Variants in SASH1 observed in about 807,000 individuals in gnomAD.
SASH1 encodes the protein SAM and SH3 domain containing 1.
Under a neutral mutation model 125.2 loss-of-function variants are expected in SASH1, and 44 were observed. The ratio of observed to expected loss-of-function variants is 0.35; its 90% CI spans 0.28 to 0.45. The LOEUF (loss-of-function observed/expected upper bound fraction) is 0.45, where lower values mean the gene tolerates loss of function less well. SASH1 is among the 20% of genes least tolerant of loss of function. The pLI is 1.00. For synonymous variants in SASH1, 639 were observed against 649.1 expected, an observed-to-expected ratio of 0.98 and a Z score of 0.24; for missense variants, 1,426 against 1,614.5, an observed-to-expected ratio of 0.88 and a Z score of 2.00.
intron 2 of SASH1, among the ~76,000 whole-genome samples, chr6:148,404,110 A>C (rs1784281625): frequency 6.6e-6 from 1 of 152,206 alleles, no homozygotes; most frequent in South Asian, 2.1e-4. Flanking sequence ...AGATATTTGC[A>C]TTCCTAGACT....
rs200151810 is a variant in SASH1, at chr6:148,302,653, G to GTA, written n.74+30285_74+30286dup. On this transcript the variant is annotated intron_variant and non_coding_transcript_variant, in intron 1 of 3. Coordinates refer to the SASH1 transcript ENST00000367469. ...TATATAGGGTACATTAGATGTGTGT[G>GTA]TATATATATACACACACACACACAC... 6.3e-3 allele frequency among the ~76,000 whole-genome samples: 392 copies of GTA among 61,852 alleles called. 2 individuals are homozygous for GTA. Among genetic ancestry groups the GTA allele is most frequent in the Non-Finnish European group, 9.7e-3 (298 of 30,702 alleles). 40.6% of individuals were successfully genotyped at this position (61,852 alleles called of 152,430 possible). A position where few individuals can be genotyped will look rare whatever the true frequency, so the allele number is the denominator to read the frequency against.
At chr6:148,429,336 T>C (rs1233867411) in intron 2 of SASH1, among the ~76,000 whole-genome samples, 2 of 132,248 alleles carry the variant, frequency 1.5e-5, no homozygotes, top group African/African-American at 2.9e-5. Flanking sequence ...CAGTGGACTA[T>C]GACTGCACTC....
intron 1 of SASH1, among the ~76,000 whole-genome samples, chr6:148,367,270 G>A (rs965037445): frequency 2.0e-5 from 3 of 152,128 alleles, no homozygotes; most frequent in Admixed American, 6.6e-5. Flanking sequence ...AAAAGTAATC[G>A]CGGTTTATAA....
intron 4 of SASH1, among the ~76,000 whole-genome samples, chr6:148,450,121 A>T (rs536873268): frequency 1.1e-4 from 17 of 152,150 alleles, no homozygotes; most frequent in Non-Finnish European, 2.5e-4. Flanking sequence ...GTTTATTTTT[A>T]ATCTTTATTG....
At chr6:148,358,404 A>G (rs1782039645) in intron 1 of SASH1, among the ~76,000 whole-genome samples, 1 of 152,148 alleles carries the variant, frequency 6.6e-6, no homozygotes, top group African/African-American at 2.4e-5. Flanking sequence ...GGCAGGGAGG[A>G]TTGAAGCGGC....
rs768678292 is a variant in SASH1 at position 148,544,382 on chromosome 6, A to C, written c.2912A>C (p.Asp971Ala). 1.9e-6 allele frequency: 3 copies of C among 1,614,066 alleles called. No individual in the cohort carries two copies. Among genetic ancestry groups the C allele is most frequent in the Non-Finnish European group, 2.5e-6 (3 of 1,180,034 alleles). ...CCCCTGGGCACCAAAGAAGGGGTAG[A>C]TGCTGAGCAGAGAATGCAGCCCAAA... is the stretch of plus-strand genomic sequence containing the variant. ...HHPLGTKEGVDAEQRMQPKIP... is the reference protein window; with the variant it reads ...HHPLGTKEGVAAEQRMQPKIP... The change falls in exon 18 of 20, where the codon GAT (aspartate) becomes GCT (alanine). Residue 971 changes from aspartate (D) to alanine (A), a missense_variant. Asp to Ala is a moderately radical substitution (Grantham distance 126). Coordinates refer to ENST00000367467, the MANE Select transcript of SASH1 (RefSeq NM_015278.5). The surrounding 1 kb of genome is among the most constrained non-coding windows in gnomAD (Gnocchi z 6.4).
intron 1 of SASH1, among the ~76,000 whole-genome samples, chr6:148,387,619 T>G (rs565607778): frequency 1.0e-4 from 4 of 38,652 alleles, no homozygotes; most frequent in African/African-American, 4.4e-4. Flanking sequence ...TTTCTTTCTT[T>G]CTTTCTTTCT....
chr6:148,448,115 A>AGTGT (rs34309514), intron 4 of SASH1, among the ~76,000 whole-genome samples: 3,569 of 146,886 alleles, frequency 0.024, 44 homozygotes, highest in Middle Eastern at 0.059. Flanking sequence ...CAGTGGAGAG[A>AGTGT]GTGTGTGTGT....
intron 2 of SASH1, among the ~76,000 whole-genome samples, chr6:148,390,680 C>T (rs539755342): frequency 4.7e-4 from 72 of 151,646 alleles, no homozygotes; most frequent in African/African-American, 1.6e-3. Flanking sequence ...CCCAGCTACT[C>T]GGGAGGCTGA....
At chr6:148,507,665 A>G (rs1014956442) in intron 8 of SASH1, among the ~76,000 whole-genome samples, 1 of 151,984 alleles carries the variant, frequency 6.6e-6, no homozygotes, top group Non-Finnish European at 1.5e-5. Flanking sequence ...GGCCGTTTTT[A>G]GTTTAGGTAA....
At chr6:148,194,930 C>T in the SASH1 span, among the ~76,000 whole-genome samples, 1 of 152,134 alleles carries the variant, frequency 6.6e-6, no homozygotes, top group African/African-American at 2.4e-5. Flanking sequence ...AAAGAATGTT[C>T]AGTATCTCTG....
chr6:148,486,186 T>A lies in SASH1; in HGVS notation c.628-1428T>A, dbSNP rs534496968. ...CCCGGGCTGGAGTGCAGTGGTGCGA[T>A]CTCGGCTCACCGCAACCTCTGCCTC... On this transcript the variant is annotated intron_variant, in intron 7 of 19. Coordinates refer to ENST00000367467, the MANE Select transcript of SASH1 (RefSeq NM_015278.5). Among the ~76,000 whole-genome samples, 33 of 152,312 alleles carry A rather than the reference T, an allele frequency of 2.2e-4. 2 individuals carry two copies. Among genetic ancestry groups the A allele is most frequent in the South Asian group, 1.2e-3 (6 of 4,818 alleles).
At position 148,527,214 on chromosome 6, in the gene SASH1, T is replaced by TAAGTAAGTAA. The variant is rs751430007; in HGVS notation, c.1285-238_1285-237insAGTAAGTAAA. On this transcript the variant is annotated intron_variant, in intron 11 of 19. Coordinates refer to ENST00000367467, the MANE Select transcript of SASH1 (RefSeq NM_015278.5). Reference sequence around the variant, plus strand: ...GAAAAAATGTAACCTGATAAGAATGTACTAAAAGTAAGTAAAATAAAAAGT... The same window carrying TAAGTAAGTAA: ...GAAAAAATGTAACCTGATAAGAATGTAAGTAAGTAAACTAAAAGTAAGTAAAATAAAAAGT... 3,253 of 415,936 alleles carry TAAGTAAGTAA rather than the reference T, an allele frequency of 7.8e-3. 122 individuals carry two copies. The highest frequency in any genetic ancestry group is 0.072 in the East Asian group (1,518 of 21,172). The allele number at this position is 415,936 out of a possible 1,614,324, so 25.8% of individuals were successfully genotyped here. A position where few individuals can be genotyped will look rare whatever the true frequency, so the allele number is the denominator to read the frequency against.
chr6:148,514,597 A>C, intron 9 of SASH1, 141 bp downstream of exon 9: 1 of 1,088,204 alleles, frequency 9.2e-7, no homozygotes. Flanking sequence ...TGAATCTGGC[A>C]GGACTATGCC....
At chr6:148,540,586 G>T (rs1462674251) in intron 17 of SASH1, 30 bp downstream of exon 17, 1 of 1,509,864 alleles carries the variant, frequency 6.6e-7, no homozygotes, top group African/African-American at 1.4e-5. Flanking sequence ...CTGGGAACCT[G>T]CTTTGACAAG....
intron 1 of SASH1, among the ~76,000 whole-genome samples, chr6:148,294,162 G>A (rs78158422): frequency 0.021 from 3,257 of 152,316 alleles, 130 homozygotes; most frequent in African/African-American, 0.074. Flanking sequence ...AGGCGTGCTT[G>A]GATTTTGCAC....
At chr6:148,438,480 A>C (rs942806948) in intron 2 of SASH1, among the ~76,000 whole-genome samples, 2 of 152,216 alleles carry the variant, frequency 1.3e-5, no homozygotes, top group Non-Finnish European at 2.9e-5. Context: ...AGTTTGGTAC[A>C]GAAATATGTC....
chr6:148,367,827 G>T (rs4131286), intron 1 of SASH1, among the ~76,000 whole-genome samples: 3,051 of 152,278 alleles, frequency 0.02, 150 homozygotes, highest in East Asian at 0.15. Flanking sequence ...GACACCCCTC[G>T]GAGGCCTCGA....
At chr6:148,296,793 A>G (rs904598117) in intron 1 of SASH1, among the ~76,000 whole-genome samples, 6 of 152,208 alleles carry the variant, frequency 3.9e-5, no homozygotes, top group African/African-American at 9.6e-5. Flanking sequence ...CCCCTAGAGC[A>G]TTTAATGAGA....
Sources: gnomAD v4.1 joint callset for allele counts (sites outside exome capture counted in the v4.1 genomes callset) on GRCh38, gnomAD v4.1.1 for gene constraint, Gnocchi (gnomAD v3.1) non-coding constraint, MANE v1.5 for transcripts, NCBI Gene and HGNC (gene_info 2026-07-23, HGNC 2026-07-21) for gene names.